MEF2A: variants seen among roughly 807,000 people sequenced by gnomAD.
The protein encoded by MEF2A is myocyte enhancer factor 2A.
MEF2A carries 28 observed loss-of-function variants against 55.8 expected under a neutral mutation model. The observed-to-expected ratio is 0.50, with a 90% CI of 0.37 to 0.69. The LOEUF (loss-of-function observed/expected upper bound fraction) is 0.69, where lower values mean the gene tolerates loss of function less well. Ranked by LOEUF, MEF2A falls within the 30% of genes least tolerant of loss-of-function variation. The pLI is 0.00. For missense variants in MEF2A, 528 were observed against 626.2 expected (o/e 0.84, Z 1.67); for synonymous variants, 239 against 227.1 (o/e 1.05, Z -0.47).
intron 3 of MEF2A, among the ~76,000 whole-genome samples, chr15:99,644,565 GTAGT>G (rs1596741186): frequency 6.6e-6 from 1 of 152,362 alleles, no homozygotes; most frequent in East Asian, 1.9e-4. Context: ...GTCTAGGCCA[GTAGT>G]TAAAGTTTAT....
At position 99,707,805 on chromosome 15, in the gene MEF2A, T is replaced by C. The variant is rs1347104046; in HGVS notation, c.1009+950T>C. ...GATGGTCTGATTTTAGCCTTCAGGG[T>C]AAATGCTTTGGCACAGAACTTTGAA... On this transcript the variant is annotated intron_variant, in intron 10 of 11. Coordinates refer to ENST00000557942, the MANE Select transcript of MEF2A (RefSeq NM_001319206.4). Among the ~76,000 whole-genome samples, 6 of 152,180 alleles carry C rather than the reference T, an allele frequency of 3.9e-5. No homozygotes were observed. The East Asian group carries it at 1.2e-3, about 29-fold the overall frequency.
chr15:99,601,810 TGTGTGTGTGTGTGTGTGTGTGTG>T (rs1973129286), intron 2 of MEF2A, among the ~76,000 whole-genome samples: 8 of 2,338 alleles, frequency 3.4e-3, no homozygotes, highest in African/African-American at 3.9e-3. Context: ...GTCTGTTTTG[TGTGTGTGTGTGTGTGTGTGTGTG>T]TGTGTGTGTG....
chr15:99,704,289 T>G (rs1390219550), intron 9 of MEF2A, among the ~76,000 whole-genome samples: 2 of 152,334 alleles, frequency 1.3e-5, no homozygotes, highest in East Asian at 3.9e-4. Context: ...TCTGTTCCCC[T>G]TAAAATACGA....
intron 3 of MEF2A, among the ~76,000 whole-genome samples, chr15:99,636,478 T>C (rs1275638858): frequency 6.6e-6 from 1 of 152,136 alleles, no homozygotes; most frequent in African/African-American, 2.4e-5. Flanking sequence ...CTTGAGTAGG[T>C]TGGACTACGG....
intron 10 of MEF2A, among the ~76,000 whole-genome samples, chr15:99,709,608 A>G (rs2058395454): frequency 6.6e-6 from 1 of 152,220 alleles, no homozygotes; most frequent in African/African-American, 2.4e-5. Flanking sequence ...AGGAAGACCA[A>G]TTTCTTTAAA....
At chr15:99,705,654 T>C (rs325412) in intron 9 of MEF2A, among the ~76,000 whole-genome samples, 34,700 of 152,160 alleles carry the variant, frequency 0.23, 4,693 homozygotes, top group South Asian at 0.32. Flanking sequence ...ATCGAATGTT[T>C]GTAAGTGTCT....
chr15:99,637,064 T>C (rs1049368044), intron 3 of MEF2A, among the ~76,000 whole-genome samples: 5 of 152,204 alleles, frequency 3.3e-5, no homozygotes, highest in African/African-American at 1.2e-4. Context: ...CCTTGCTTAA[T>C]TCTGCACTGT....
Position 99,668,413 on chromosome 15 carries a change from A to T in MEF2A, c.259-2910A>T, listed in dbSNP as rs139818688. The stretch of plus-strand genomic sequence containing the variant: ...GATAAGTCAACTTAAATGGGTACAC[A>T]CCATTGAAATTTGAAATTATTTTGG... On this transcript the variant is annotated intron_variant, in intron 4 of 11. Transcript: ENST00000557942. Among the ~76,000 whole-genome samples, 305 of 152,352 alleles carry T rather than the reference A, an allele frequency of 2.0e-3. 1 individual carries two copies. The highest frequency in any genetic ancestry group is 7.0e-3 in the African/African-American group (293 of 41,588).
At chr15:99,572,870 C>G (rs914871616) in intron 1 of MEF2A, among the ~76,000 whole-genome samples, 2 of 152,222 alleles carry the variant, frequency 1.3e-5, no homozygotes, top group Non-Finnish European at 2.9e-5. Context: ...ATTGATGTCA[C>G]TGTCTTCTAT....
intron 8 of MEF2A, among the ~76,000 whole-genome samples, chr15:99,695,020 T>A (rs1256623844): frequency 6.6e-6 from 1 of 151,894 alleles, no homozygotes; most frequent in Admixed American, 6.6e-5. Context: ...CTTTTTTATT[T>A]TCCGGCACTA....
chr15:99,670,904 G>T (rs1050246066), intron 4 of MEF2A, among the ~76,000 whole-genome samples: 18 of 152,206 alleles, frequency 1.2e-4, no homozygotes, highest in Non-Finnish European at 5.9e-5. Context: ...GGAAGAATAC[G>T]TGAAGTTGCT....
At chr15:99,710,782 C>T (rs764981585) in intron 11 of MEF2A, 22 bp downstream of exon 11, 18 of 1,589,108 alleles carry the variant, frequency 1.1e-5, no homozygotes, top group Middle Eastern at 1.7e-4. Context: ...GAAGTTTTCC[C>T]TGCATCTTTA....
chr15:99,567,626 A>AATGTGTGTGTGTGT (rs1567124507), intron 1 of MEF2A, among the ~76,000 whole-genome samples: 1,839 of 122,034 alleles, frequency 0.015, 47 homozygotes, highest in African/African-American at 0.058. Context: ...TTTTGTATGT[A>AATGTGTGTGTGTGT]CTGTGTGTGT....
chr15:99,697,098 TA>T (rs2056595668), intron 8 of MEF2A, among the ~76,000 whole-genome samples: 5 of 151,976 alleles, frequency 3.3e-5, no homozygotes, highest in African/African-American at 7.2e-5. Flanking sequence ...AGGAACTTAA[TA>T]AAGAGCATCT....
At chr15:99,609,998 C>G (rs1976557714) in intron 2 of MEF2A, among the ~76,000 whole-genome samples, 1 of 151,880 alleles carries the variant, frequency 6.6e-6, no homozygotes, top group East Asian at 1.9e-4. Flanking sequence ...GGGTTTCTTA[C>G]TTAGATCAAT....
chr15:99,700,677 A>G (rs768171659), intron 8 of MEF2A, among the ~76,000 whole-genome samples: 2 of 152,134 alleles, frequency 1.3e-5, no homozygotes, highest in African/African-American at 2.4e-5. Context: ...ACAAGGACTC[A>G]GGGCTGCTTG....
At chr15:99,655,892 C>G (rs1046038918) in intron 4 of MEF2A, among the ~76,000 whole-genome samples, 1 of 152,082 alleles carries the variant, frequency 6.6e-6, no homozygotes, top group South Asian at 2.1e-4. Context: ...TGATCTGGCT[C>G]TCTCTTTCAT....
At chr15:99,571,778 T>C (rs1470550773) in intron 1 of MEF2A, among the ~76,000 whole-genome samples, 1 of 152,142 alleles carries the variant, frequency 6.6e-6, no homozygotes, top group Non-Finnish European at 1.5e-5. Context: ...GCATTCCCCA[T>C]ATCCATAAAT....
chr15:99,643,898 T>C (rs897155334), intron 3 of MEF2A, among the ~76,000 whole-genome samples: 2 of 152,116 alleles, frequency 1.3e-5, no homozygotes, highest in African/African-American at 4.8e-5. Flanking sequence ...GCTGAGAATT[T>C]TAAAGTATCA....
Sources: gnomAD v4.1 joint callset for allele counts (sites outside exome capture counted in the v4.1 genomes callset) on GRCh38, gnomAD v4.1.1 for gene constraint, MANE v1.5 for transcripts, NCBI Gene and HGNC (gene_info 2026-07-23, HGNC 2026-07-21) for gene names.